SNX31: variants seen among roughly 807,000 people sequenced by gnomAD.
SNX31 encodes the protein sorting nexin-31.
Under a neutral mutation model 65.4 loss-of-function variants are expected in SNX31, and 58 were observed. The observed-to-expected ratio is 0.89, with a 90% CI of 0.72 to 1.10. The LOEUF (loss-of-function observed/expected upper bound fraction) is 1.10, where lower values mean the gene tolerates loss of function less well. SNX31 is among the 50% of genes least tolerant of loss of function. SNX31 has a pLI of 0.00. For synonymous variants in SNX31, 181 were observed against 190.1 expected, an observed-to-expected ratio of 0.95 and a Z score of 0.39; for missense variants, 523 against 529.7, an observed-to-expected ratio of 0.99 and a Z score of 0.12.
At chr8:100,596,036 A>G (rs1815057353) in intron 10 of SNX31, among the ~76,000 whole-genome samples, 1 of 152,188 alleles carries the variant, frequency 6.6e-6, no homozygotes, top group African/African-American at 2.4e-5. Flanking sequence ...CAGGGATTCC[A>G]TGGATTTAAC....
rs1817969237 is a variant in SNX31, at chr8:100,625,239, T to C, written c.321+5088A>G. The stretch of plus-strand genomic sequence containing the variant: ...AATACCATGGGCTGCCTTAATGTTT[T>C]AAAATACGTGCTTTGTTGCTATTCT... On this transcript the variant is annotated intron_variant, in intron 4 of 13. Transcript: ENST00000311812. The surrounding 1 kb of genome is among the most constrained non-coding windows in gnomAD (Gnocchi z 4.2). Among the ~76,000 whole-genome samples, 2 of 152,176 alleles carry C rather than the reference T, an allele frequency of 1.3e-5. No homozygotes were observed. Among genetic ancestry groups the C allele is most frequent in the Admixed American group, 1.3e-4 (2 of 15,284 alleles).
Position 100,574,795 on chromosome 8 carries a change from G to A in SNX31, c.1228-835C>T, listed in dbSNP as rs532952598. Among the ~76,000 whole-genome samples, 34 of 152,190 alleles carry A rather than the reference G, an allele frequency of 2.2e-4. No homozygotes were observed. In the South Asian group the frequency reaches 7.1e-3, roughly 32 times the overall value. On this transcript the variant is annotated intron_variant, in intron 13 of 13. Coordinates refer to ENST00000311812, the MANE Select transcript of SNX31 (RefSeq NM_152628.4). ...CCAAAACTACAAAAACTAGCCGGAT[G>A]TGGTGGTGCACACCTGTAATCCCAG...
In SNX31 at chr8:100,612,284, A is replaced by C. The variant is rs1375746267; in HGVS notation, c.524-197T>G. Among the ~76,000 whole-genome samples, 5 of 152,286 alleles carry C rather than the reference A, an allele frequency of 3.3e-5. No homozygotes were observed. In the East Asian group the frequency reaches 5.8e-4, roughly 18 times the overall value. Reference sequence around the variant, plus strand: ...AATATCATTTGATCCTCAAAAAAAAACAGCCCCTTGAGTGGGGGGTGTTTT... The same window carrying C: ...AATATCATTTGATCCTCAAAAAAAACCAGCCCCTTGAGTGGGGGGTGTTTT... On this transcript the variant is annotated intron_variant, in intron 6 of 13. Transcript: ENST00000311812. The surrounding 1 kb of genome is among the most constrained non-coding windows in gnomAD (Gnocchi z 4.3).
chr8:100,655,955 A>T (rs1479110934), intron 1 of SNX31, among the ~76,000 whole-genome samples: 2 of 152,208 alleles, frequency 1.3e-5, no homozygotes, highest in Non-Finnish European at 2.9e-5. Flanking sequence ...GAGAGAAAAG[A>T]TGGTAGAACA....
chr8:100,649,193 T>A, intron 2 of SNX31, 81 bp downstream of exon 2: 1 of 1,409,934 alleles, frequency 7.1e-7, no homozygotes, highest in East Asian at 2.3e-5. Flanking sequence ...CTTGCCAGAG[T>A]CAGAGGAACA....
chr8:100,616,608 G>A (rs1817225640), intron 5 of SNX31, among the ~76,000 whole-genome samples: 1 of 152,218 alleles, frequency 6.6e-6, no homozygotes, highest in South Asian at 2.1e-4. Flanking sequence ...AAGACTGGAA[G>A]CAGGGAGACT....
At chr8:100,658,859 T>C (rs975067984) in intron 1 of SNX31, among the ~76,000 whole-genome samples, 4 of 152,216 alleles carry the variant, frequency 2.6e-5, no homozygotes, top group African/African-American at 9.7e-5. Flanking sequence ...ATGACTGCTG[T>C]TTGATCACTC....
intron 4 of SNX31, among the ~76,000 whole-genome samples, chr8:100,628,509 A>C (rs912856727): frequency 6.7e-6 from 1 of 148,482 alleles, no homozygotes. Context: ...CAAACACCGC[A>C]TGTTCTCACT....
intron 4 of SNX31, among the ~76,000 whole-genome samples, chr8:100,627,201 A>G: frequency 6.6e-6 from 1 of 152,078 alleles, no homozygotes; most frequent in East Asian, 1.9e-4. Context: ...AAAATACAAA[A>G]ATTAGCCAGG....
intron 3 of SNX31, among the ~76,000 whole-genome samples, chr8:100,631,299 G>T (rs1373269457): frequency 6.6e-6 from 1 of 152,062 alleles, no homozygotes; most frequent in African/African-American, 2.4e-5. Flanking sequence ...AACCCACAAG[G>T]TATGGCCCAG....
intron 2 of SNX31, among the ~76,000 whole-genome samples, chr8:100,647,564 C>T (rs141556389): frequency 6.6e-6 from 1 of 152,290 alleles, no homozygotes; most frequent in East Asian, 1.9e-4. Flanking sequence ...GTTTGCTGAG[C>T]ATATATTATG....
intron 1 of SNX31, among the ~76,000 whole-genome samples, chr8:100,659,353 CAAAAAAAAA>C (rs148671568): frequency 1.2e-3 from 85 of 71,456 alleles, no homozygotes; most frequent in African/African-American, 4.0e-3. Context: ...AACTCCATCA[CAAAAAAAAA>C]AAAAAAAAAA....
intron 4 of SNX31, among the ~76,000 whole-genome samples, chr8:100,627,654 T>G (rs1269149063): frequency 6.6e-6 from 1 of 152,140 alleles, no homozygotes; most frequent in Non-Finnish European, 1.5e-5. Context: ...CAATTCTGCC[T>G]CAGCCTCCCA....
Position 100,606,941 on chromosome 8 carries a change from C to T in SNX31, c.681+1553G>A, listed in dbSNP as rs140325577. 1.8e-4 allele frequency among the ~76,000 whole-genome samples: 28 copies of T among 152,270 alleles called. No individual in the cohort carries two copies. In the South Asian group the frequency reaches 3.5e-3, roughly 19 times the overall value. On this transcript the variant is annotated intron_variant, in intron 8 of 13. Coordinates refer to ENST00000311812, the MANE Select transcript of SNX31 (RefSeq NM_152628.4). Reference sequence around the variant, plus strand: ...AAGGGCTTAATGCTGACATCGTGCCCGGAACAATTCCAGTTTCTGGGGATG... The same window carrying T: ...AAGGGCTTAATGCTGACATCGTGCCTGGAACAATTCCAGTTTCTGGGGATG...
chr8:100,620,418 T>C (rs1392417369), intron 4 of SNX31, among the ~76,000 whole-genome samples: 1 of 152,218 alleles, frequency 6.6e-6, no homozygotes, highest in Non-Finnish European at 1.5e-5. Context: ...TTTTTCGTCA[T>C]TTCATTATCA....
chr8:100,615,696 G>A (rs1325203668), intron 5 of SNX31, among the ~76,000 whole-genome samples: 1 of 152,218 alleles, frequency 6.6e-6, no homozygotes, highest in East Asian at 1.9e-4. Context: ...TAGTAGGCAT[G>A]TTACTGTACT....
Position 100,576,995 on chromosome 8 carries a change from A to G in SNX31, c.1227+24T>C. On this transcript the variant is annotated intron_variant, in intron 13 of 13. Transcript: ENST00000311812. The surrounding 1 kb of genome is among the most constrained non-coding windows in gnomAD (Gnocchi z 4.8). ...AGATTTATCAAAATTATAATGTACC[A>G]ATTACATAATTTTACTCACAGACCT... is the stretch of plus-strand genomic sequence containing the variant. 6.3e-7 allele frequency: 1 copy of G among 1,578,772 alleles called. No homozygotes were observed. The highest frequency in any genetic ancestry group is 8.7e-7 in the Non-Finnish European group (1 of 1,150,448).
rs914051979 is a variant in SNX31, at chr8:100,614,476, G to A, written c.433-1391C>T. 3.3e-5 allele frequency among the ~76,000 whole-genome samples: 5 copies of A among 152,140 alleles called. No homozygotes were observed. Among genetic ancestry groups the A allele is most frequent in the South Asian group, 2.1e-4 (1 of 4,828 alleles). Reference sequence around the variant, plus strand: ...GGAGTGAGCATCAGCAAAAAAATACGTAATAATATTTTTCCTCTTAGCAAA... The same window carrying A: ...GGAGTGAGCATCAGCAAAAAAATACATAATAATATTTTTCCTCTTAGCAAA... On this transcript the variant is annotated intron_variant, in intron 5 of 13. Coordinates refer to ENST00000311812, the MANE Select transcript of SNX31 (RefSeq NM_152628.4). This position sits in a 1 kb window ranked among gnomAD's most constrained non-coding sequence, Gnocchi z 5.1.
At chr8:100,580,705 T>C (rs868326390) in intron 12 of SNX31, among the ~76,000 whole-genome samples, 4 of 152,192 alleles carry the variant, frequency 2.6e-5, no homozygotes, top group South Asian at 2.1e-4. Context: ...GAAAGGTCTG[T>C]GTTGATATTA....
Sources: gnomAD v4.1 joint callset for allele counts (sites outside exome capture counted in the v4.1 genomes callset) on GRCh38, gnomAD v4.1.1 for gene constraint, Gnocchi (gnomAD v3.1) non-coding constraint, MANE v1.5 for transcripts, NCBI Gene and HGNC (gene_info 2026-07-23, HGNC 2026-07-21) for gene names.